Variants in VAV3 observed in about 807,000 individuals in gnomAD.
VAV3 encodes vav guanine nucleotide exchange factor 3.
Under a neutral mutation model 131.2 loss-of-function variants are expected in VAV3, and 94 were observed. That is an observed-to-expected ratio of 0.72 (90% CI 0.61 to 0.85). VAV3 has a LOEUF of 0.85. Among genes scored for constraint, VAV3 ranks in the 40% least tolerant of loss-of-function variants. The pLI, the probability that VAV3 is intolerant of heterozygous loss-of-function variation, is 0.00. For missense variants in VAV3, 939 were observed against 1,002.7 expected, an observed-to-expected ratio of 0.94 and a Z score of 0.86; for synonymous variants, 349 against 342.0, an observed-to-expected ratio of 1.02 and a Z score of -0.22.
intron 15 of VAV3, among the ~76,000 whole-genome samples, chr1:107,720,757 A>T (rs1226759579): frequency 6.6e-6 from 1 of 152,220 alleles, no homozygotes; most frequent in Non-Finnish European, 1.5e-5. Context: ...ATCCTCTACG[A>T]GCCTGCCATA....
intron 17 of VAV3, among the ~76,000 whole-genome samples, chr1:107,692,328 C>G (rs1388620900): frequency 6.6e-6 from 1 of 152,022 alleles, no homozygotes; most frequent in Non-Finnish European, 1.5e-5. Context: ...TTCAGGGGCT[C>G]TAATAGGAAT....
At chr1:107,855,643 T>C (rs1343582517) in intron 2 of VAV3, among the ~76,000 whole-genome samples, 6 of 152,088 alleles carry the variant, frequency 3.9e-5, no homozygotes, top group African/African-American at 1.4e-4. Flanking sequence ...CAACTGGAGC[T>C]TACCCCAAAT....
intron 21 of VAV3, among the ~76,000 whole-genome samples, chr1:107,616,819 A>G (rs1236254048): frequency 6.6e-6 from 1 of 152,114 alleles, no homozygotes; most frequent in Non-Finnish European, 1.5e-5. Flanking sequence ...GATTAAGGAG[A>G]GTTTTTCCCC....
chr1:107,885,857 A>G (rs1179071654), intron 1 of VAV3, among the ~76,000 whole-genome samples: 1 of 152,198 alleles, frequency 6.6e-6, no homozygotes, highest in African/African-American at 2.4e-5. Flanking sequence ...AGACTGTCCC[A>G]AACTAGGGAG....
intron 1 of VAV3, 99 bp downstream of exon 1, chr1:107,964,567 C>G: frequency 7.4e-7 from 1 of 1,349,528 alleles, no homozygotes; most frequent in East Asian, 2.6e-5. Context: ...GCAGGGCAAG[C>G]TCAGCGCACC....
At chr1:107,683,606 T>A (rs746662635) in intron 18 of VAV3, 73 bp from the exon 19 acceptor site, 2 of 1,445,272 alleles carry the variant, frequency 1.4e-6, no homozygotes, top group Non-Finnish European at 1.9e-6. Context: ...GTATTACTAC[T>A]GGCACTTTGG....
chr1:107,583,805 A>G (rs1308542854), intron 25 of VAV3, among the ~76,000 whole-genome samples: 1 of 152,214 alleles, frequency 6.6e-6, no homozygotes, highest in African/African-American at 2.4e-5. Context: ...AGGAAGAATC[A>G]ATATCGCGAA....
chr1:107,939,848 C>G (rs1294606279), intron 1 of VAV3, among the ~76,000 whole-genome samples: 1 of 151,938 alleles, frequency 6.6e-6, no homozygotes, highest in African/African-American at 2.4e-5. Flanking sequence ...CTTAATATCT[C>G]CCCCCACCCC....
chr1:107,793,152 A>C (rs1442358367), intron 2 of VAV3, among the ~76,000 whole-genome samples: 2 of 152,144 alleles, frequency 1.3e-5, no homozygotes, highest in African/African-American at 4.8e-5. Flanking sequence ...CAGAATAATG[A>C]TATTATCCTC....
In VAV3 at chr1:107,734,900, A is replaced by G. The variant is rs559836964; in HGVS notation, c.1502+14068T>C. Among the ~76,000 whole-genome samples, 3 of 152,348 alleles carry G rather than the reference A, an allele frequency of 2.0e-5. No individual in the cohort carries two copies. The South Asian group carries it at 6.2e-4, about 32-fold the overall frequency. On this transcript the variant is annotated intron_variant, in intron 15 of 26. Coordinates refer to ENST00000370056, the MANE Select transcript of VAV3 (RefSeq NM_006113.5). ...ACTCTCCACCACAAATCAACACAAT[A>G]TACATTCTTCTCAGCACCACATCAC... is the stretch of plus-strand genomic sequence containing the variant.
intron 2 of VAV3, among the ~76,000 whole-genome samples, chr1:107,862,458 T>A (rs919432416): frequency 6.6e-6 from 1 of 151,446 alleles, no homozygotes; most frequent in Non-Finnish European, 1.5e-5. Flanking sequence ...CCATCCTCCT[T>A]TTCTAGGAGA....
intron 1 of VAV3, among the ~76,000 whole-genome samples, chr1:107,926,256 G>A (rs908955751): frequency 3.9e-5 from 6 of 152,050 alleles, no homozygotes; most frequent in African/African-American, 1.4e-4. Context: ...ACTCCAGTCT[G>A]GGTGGCAGAA....
intron 20 of VAV3, among the ~76,000 whole-genome samples, chr1:107,627,539 A>C (rs1420057435): frequency 6.6e-6 from 1 of 152,184 alleles, no homozygotes; most frequent in Non-Finnish European, 1.5e-5. Context: ...AAAATACCTG[A>C]TTATCATTTT....
At chr1:107,929,777 A>G (rs909519708) in intron 1 of VAV3, among the ~76,000 whole-genome samples, 24 of 152,210 alleles carry the variant, frequency 1.6e-4, no homozygotes, top group African/African-American at 4.6e-4. Flanking sequence ...GTAGATTTGG[A>G]AGCAACCTAC....
At position 107,728,839 on chromosome 1, in the gene VAV3, T is replaced by G. The variant is rs148897039; in HGVS notation, c.1502+20129A>C. ...GGGCGCAACTATAGAATTATAATTG[T>G]CACCAAGTATCATTTTAATCTTGAT... On this transcript the variant is annotated intron_variant, in intron 15 of 26. Transcript: ENST00000370056. 3.4e-3 allele frequency among the ~76,000 whole-genome samples: 522 copies of G among 152,252 alleles called. 3 individuals are homozygous for G. Among genetic ancestry groups the G allele is most frequent in the African/African-American group, 0.012 (501 of 41,542 alleles).
At chr1:107,689,990 A>C (rs2101776909) in intron 17 of VAV3, among the ~76,000 whole-genome samples, 1 of 152,242 alleles carries the variant, frequency 6.6e-6, no homozygotes, top group South Asian at 2.1e-4. Context: ...GAGAGTCATA[A>C]ACTGCAGGAA....
intron 3 of VAV3, among the ~76,000 whole-genome samples, 162 bp from the exon 4 acceptor site, chr1:107,777,458 G>C (rs984463926): frequency 2.6e-5 from 4 of 152,188 alleles, no homozygotes; most frequent in Non-Finnish European, 5.9e-5. Context: ...TCCCTAAAGT[G>C]CCTGCTCAGT....
intron 5 of VAV3, among the ~76,000 whole-genome samples, chr1:107,771,455 G>A (rs1044612779): frequency 2.0e-5 from 3 of 152,032 alleles, no homozygotes; most frequent in Admixed American, 6.6e-5. Context: ...AGGTTTCACC[G>A]TGTTAGCCAG....
At chr1:107,842,981 C>T (rs1429169046) in intron 2 of VAV3, among the ~76,000 whole-genome samples, 1 of 152,058 alleles carries the variant, frequency 6.6e-6, no homozygotes, top group African/African-American at 2.4e-5. Context: ...CAGAAGCAGA[C>T]CTACTGAGAA....
Sources: allele counts gnomAD v4.1 joint callset (sites outside exome capture counted in the v4.1 genomes callset), GRCh38; gene constraint gnomAD v4.1.1; transcripts MANE v1.5; gene names NCBI Gene and HGNC (gene_info 2026-07-23, HGNC 2026-07-21).